Variants in CCDC152 observed in about 807,000 individuals in gnomAD.
The protein encoded by CCDC152 is coiled-coil domain-containing protein 152.
A neutral mutation model predicts 38.1 loss-of-function variants in CCDC152; 37 were observed. That is an observed-to-expected ratio of 0.97 (90% confidence interval 0.75 to 1.28). The LOEUF is 1.28. Among genes scored for constraint, CCDC152 ranks in the 50% most tolerant of loss-of-function variants. The pLI is 0.00. For missense variants in CCDC152, 259 were observed against 292.1 expected (o/e 0.89, Z 0.83); for synonymous variants, 83 against 87.1 (o/e 0.95, Z 0.26).
intron 1 of CCDC152, among the ~76,000 whole-genome samples, chr5:42,758,768 C>G (rs1759512350): frequency 3.9e-5 from 6 of 152,152 alleles, no homozygotes; most frequent in Admixed American, 2.6e-4. Context: ...ATAAGCATAA[C>G]AGCAGAAAAC....
At chr5:42,764,754 G>A (rs1759603454) in intron 3 of CCDC152, among the ~76,000 whole-genome samples, 1 of 152,084 alleles carries the variant, frequency 6.6e-6, no homozygotes, top group South Asian at 2.1e-4. Context: ...TCAAAAAACT[G>A]AGATAGAAGA....
chr5:42,763,142 G>A (rs1759577546), intron 3 of CCDC152, among the ~76,000 whole-genome samples: 1 of 152,094 alleles, frequency 6.6e-6, no homozygotes, highest in African/African-American at 2.4e-5. Flanking sequence ...TCTTGTAAGG[G>A]CAGAAAGTAA....
intron 6 of CCDC152, among the ~76,000 whole-genome samples, chr5:42,787,956 T>C (rs1759945095): frequency 1.3e-5 from 2 of 152,182 alleles, no homozygotes; most frequent in African/African-American, 2.4e-5. Flanking sequence ...ATGATTAATA[T>C]TTATATGTGG....
At chr5:42,785,799 C>T (rs1419661266) in intron 6 of CCDC152, among the ~76,000 whole-genome samples, 12 of 151,958 alleles carry the variant, frequency 7.9e-5, no homozygotes, top group Non-Finnish European at 1.8e-4. Flanking sequence ...GAGGTACGTT[C>T]CTTCAATGCC....
chr5:42,761,821 T>C (rs1473101623), intron 2 of CCDC152, among the ~76,000 whole-genome samples: 1 of 152,150 alleles, frequency 6.6e-6, no homozygotes, highest in Non-Finnish European at 1.5e-5. Flanking sequence ...GGAAAGAAAG[T>C]GGTTCAAGTT....
rs1313508586 is a variant in CCDC152, at chr5:42,769,622, A to G, written c.219A>G (p.Ile73Met). The change falls in exon 4 of 9, where the codon ATA (isoleucine) becomes ATG (methionine). Residue 73 changes from isoleucine (I) to methionine (M), a missense_variant. Ile to Met is a conservative substitution (Grantham distance 10). Coordinates refer to ENST00000361970, the MANE Select transcript of CCDC152 (RefSeq NM_001134848.2). ...AATGTGCTACTCTTCATAATATAAT[A>G]AAAGGGCTACAACAGACCATTGAAT... ...KEECATLHNI[I>M]KGLQQTIEYQ... 8 of 1,490,750 alleles carry G rather than the reference A, an allele frequency of 5.4e-6. No homozygotes were observed. The Admixed American group carries it at 7.4e-5, about 14-fold the overall frequency. 92.3% of individuals were successfully genotyped at this position (1,490,750 alleles called of 1,614,324 possible). A position where few individuals can be genotyped will look rare whatever the true frequency, so the allele number is the denominator to read the frequency against.
intron 6 of CCDC152, among the ~76,000 whole-genome samples, chr5:42,789,536 A>G (rs1211299105): frequency 1.3e-5 from 2 of 152,102 alleles, no homozygotes; most frequent in African/African-American, 4.8e-5. Context: ...ACCTTCCTAT[A>G]TATTTATGTA....
intron 2 of CCDC152, 97 bp from the exon 3 acceptor site, chr5:42,762,346 T>C: frequency 1.5e-6 from 1 of 646,632 alleles, no homozygotes; most frequent in Admixed American, 3.0e-5. Flanking sequence ...TATCAGATAT[T>C]AAGTGGTTTG....
At chr5:42,779,366 G>A in intron 4 of CCDC152, 92 bp from the exon 5 acceptor site, 1 of 731,850 alleles carries the variant, frequency 1.4e-6, no homozygotes, top group Non-Finnish European at 2.4e-6. Flanking sequence ...TTTGTTGAAT[G>A]CATACATAAT....
At chr5:42,762,636 A>G (rs1438326927) in intron 3 of CCDC152, 88 bp downstream of exon 3, 16 of 732,572 alleles carry the variant, frequency 2.2e-5, no homozygotes, top group Non-Finnish European at 3.1e-5. Flanking sequence ...TATATTTGTA[A>G]AGTGTTTTAA....
intron 6 of CCDC152, among the ~76,000 whole-genome samples, chr5:42,790,187 A>AG (rs1389433229): frequency 6.6e-6 from 1 of 152,230 alleles, no homozygotes; most frequent in East Asian, 1.9e-4. Context: ...ATACAGATGA[A>AG]GGGCCAGGCA....
chr5:42,778,228 G>A (rs1561275892), intron 4 of CCDC152, among the ~76,000 whole-genome samples: 1 of 152,148 alleles, frequency 6.6e-6, no homozygotes, highest in Non-Finnish European at 1.5e-5. Flanking sequence ...GCCAAATGTT[G>A]GAGTGAGTCC....
chr5:42,775,303 A>C (rs1464735893), intron 4 of CCDC152, among the ~76,000 whole-genome samples: 1 of 152,194 alleles, frequency 6.6e-6, no homozygotes, highest in Admixed American at 6.5e-5. Flanking sequence ...TAAAAAACAA[A>C]GAAAAAATTT....
At chr5:42,768,172 A>G (rs1759650480) in intron 3 of CCDC152, among the ~76,000 whole-genome samples, 1 of 152,216 alleles carries the variant, frequency 6.6e-6, no homozygotes, top group Non-Finnish European at 1.5e-5. Context: ...AAAGGTGAAA[A>G]GTTTTGAATT....
intron 3 of CCDC152, among the ~76,000 whole-genome samples, chr5:42,768,160 TA>T (rs1174692416): frequency 6.6e-6 from 1 of 152,168 alleles, no homozygotes; most frequent in Admixed American, 6.5e-5. Context: ...AATCTCTAAT[TA>T]AAAGGTGAAA....
At position 42,779,534 on chromosome 5, in the gene CCDC152, T is replaced by C; in HGVS notation, c.327+12T>C. 1.4e-6 allele frequency: 2 copies of C among 1,407,120 alleles called. No homozygotes were observed. Among genetic ancestry groups the C allele is most frequent in the Middle Eastern group, 3.5e-4 (2 of 5,726 alleles). The allele number at this position is 1,407,120 out of a possible 1,614,324, so 87.2% of individuals were successfully genotyped here. A position where few individuals can be genotyped will look rare whatever the true frequency, so the allele number is the denominator to read the frequency against. ...AGTCTCATGAACAGGTGAGTTTATG[T>C]ATCATTCTATTCAGTCAAGTCCCTG... On this transcript the variant is annotated intron_variant, in intron 5 of 8. Coordinates refer to ENST00000361970, the MANE Select transcript of CCDC152 (RefSeq NM_001134848.2).
Position 42,762,334 on chromosome 5 carries a change from A to C in CCDC152, c.88-109A>C. On this transcript the variant is annotated intron_variant, in intron 2 of 8. Transcript: ENST00000361970. ...GACTGTATATGTATTTTTTTATTAG[A>C]CTATCAGATATTAAGTGGTTTGTAT... 4.9e-6 allele frequency: 3 copies of C among 618,424 alleles called. No individual in the cohort carries two copies. In the South Asian group the frequency reaches 6.2e-5, roughly 13 times the overall value. 38.3% of individuals were successfully genotyped at this position (618,424 alleles called of 1,614,324 possible).
chr5:42,789,333 A>G (rs1195065731), intron 6 of CCDC152, among the ~76,000 whole-genome samples: 4 of 152,134 alleles, frequency 2.6e-5, no homozygotes, highest in Non-Finnish European at 5.9e-5. Flanking sequence ...CTTTCAGAAC[A>G]TGTCCATTCA....
At chr5:42,794,276 T>G (rs539018045) in intron 6 of CCDC152, among the ~76,000 whole-genome samples, 30 of 152,048 alleles carry the variant, frequency 2.0e-4, no homozygotes, top group Non-Finnish European at 3.7e-4. Context: ...CAAACTGGAA[T>G]TTGCATCTTT....
Sources: allele counts gnomAD v4.1 joint callset (sites outside exome capture counted in the v4.1 genomes callset), GRCh38; gene constraint gnomAD v4.1.1; transcripts MANE v1.5; gene names NCBI Gene and HGNC (gene_info 2026-07-23, HGNC 2026-07-21).